GRIA2: variants seen among roughly 807,000 people sequenced by gnomAD.
The protein encoded by GRIA2 is glutamate ionotropic receptor AMPA type subunit 2.
GRIA2 carries 14 observed loss-of-function variants against 97.3 expected under a neutral mutation model. The ratio of observed to expected loss-of-function variants is 0.14; its 90% CI spans 0.10 to 0.23. GRIA2 has a LOEUF of 0.23. Ranked by LOEUF, GRIA2 falls within the 10% of genes least tolerant of loss-of-function variation. The pLI, the probability that GRIA2 is intolerant of heterozygous loss-of-function variation, is 1.00. For missense variants in GRIA2, 558 were observed against 1,069.8 expected (o/e 0.52, Z 6.67); for synonymous variants, 412 against 387.8 (o/e 1.06, Z -0.73).
At position 157,365,855 on chromosome 4, in the gene GRIA2, A is replaced by G. The variant is rs969228663; in HGVS notation, c.*2424A>G. 8 of 151,874 alleles carry G rather than the reference A, an allele frequency of 5.3e-5. No individual in the cohort carries two copies. The highest frequency in any genetic ancestry group is 1.7e-4 in the African/African-American group (7 of 41,378). 9.4% of individuals were successfully genotyped at this position (151,874 alleles called of 1,614,324 possible). A position where few individuals can be genotyped will look rare whatever the true frequency, so the allele number is the denominator to read the frequency against. Reference sequence around the variant, plus strand: ...TCCTTTACTGTACTTTTTTGTTTACAGTATAGTACCTTATTTTCTGCTGTG... The same window carrying G: ...TCCTTTACTGTACTTTTTTGTTTACGGTATAGTACCTTATTTTCTGCTGTG... On this transcript the variant is annotated 3_prime_UTR_variant, in exon 16 of 16. Transcript: ENST00000264426.
At chr4:157,299,593 C>T (rs893579970) in intron 2 of GRIA2, among the ~76,000 whole-genome samples, 1 of 152,122 alleles carries the variant, frequency 6.6e-6, no homozygotes, top group Admixed American at 6.5e-5. Context: ...ATTAGCAGCA[C>T]CAATGAGCAG....
Position 157,361,799 on chromosome 4 carries a change from G to C in GRIA2, c.2406+675G>C. 1 of 606,872 alleles carries C rather than the reference G, an allele frequency of 1.6e-6. No homozygotes were observed. Among genetic ancestry groups the C allele is most frequent in the Non-Finnish European group, 3.0e-6 (1 of 334,912 alleles). The allele number at this position is 606,872 out of a possible 1,614,324, so 37.6% of individuals were successfully genotyped here. A position where few individuals can be genotyped will look rare whatever the true frequency, so the allele number is the denominator to read the frequency against. ...ATGCATAATTTGGTAAGATGTTTTG[G>C]TAATGCCTGCAGAGTTACTGATTTG... On this transcript the variant is annotated intron_variant, in intron 14 of 15. Transcript: ENST00000264426. This position sits in a 1 kb window ranked among gnomAD's most constrained non-coding sequence, Gnocchi z 5.2.
At chr4:157,226,712 C>G (rs1322895412) in intron 2 of GRIA2, among the ~76,000 whole-genome samples, 3 of 152,042 alleles carry the variant, frequency 2.0e-5, no homozygotes, top group African/African-American at 4.8e-5. Context: ...TACAGATTGG[C>G]TACGCGATCC....
At chr4:157,281,547 T>C (rs1376746605) in intron 2 of GRIA2, among the ~76,000 whole-genome samples, 3 of 152,172 alleles carry the variant, frequency 2.0e-5, no homozygotes, top group African/African-American at 7.2e-5. Flanking sequence ...CAAAAGTTTT[T>C]CAAGAGAATC....
chr4:157,315,536 GT>G (rs1254199395), intron 4 of GRIA2, among the ~76,000 whole-genome samples: 8 of 151,016 alleles, frequency 5.3e-5, no homozygotes, highest in Non-Finnish European at 1.0e-4. Context: ...TGTTTGTTTT[GT>G]TTTGTTTTGT....
chr4:157,354,502 C>T (rs1227113559), intron 12 of GRIA2, among the ~76,000 whole-genome samples: 1 of 152,046 alleles, frequency 6.6e-6, no homozygotes, highest in East Asian at 1.9e-4. Flanking sequence ...TAACACAAAA[C>T]CATGGAAAAA....
At chr4:157,276,816 T>A (rs1310359412) in intron 2 of GRIA2, among the ~76,000 whole-genome samples, 1 of 151,860 alleles carries the variant, frequency 6.6e-6, no homozygotes, top group Non-Finnish European at 1.5e-5. Flanking sequence ...TAATGTAAAT[T>A]CCAATGTAAA....
chr4:157,238,549 A>T (rs1314298938), intron 2 of GRIA2, among the ~76,000 whole-genome samples: 2 of 152,310 alleles, frequency 1.3e-5, no homozygotes, highest in African/African-American at 4.8e-5. Context: ...ACATGAGCAG[A>T]ACTGCATTAA....
chr4:157,282,855 T>C (rs953489545), intron 2 of GRIA2, among the ~76,000 whole-genome samples: 47 of 152,056 alleles, frequency 3.1e-4, no homozygotes, highest in Non-Finnish European at 7.4e-5. Context: ...TGAGCCGACA[T>C]CCAAAAGAAT....
intron 3 of GRIA2, among the ~76,000 whole-genome samples, chr4:157,308,998 T>C (rs1733957412): frequency 6.6e-6 from 1 of 152,104 alleles, no homozygotes; most frequent in South Asian, 2.1e-4. Context: ...TGAGAGTCAG[T>C]TACTATTACT....
chr4:157,265,877 T>A (rs957859226), intron 2 of GRIA2, among the ~76,000 whole-genome samples: 7 of 152,072 alleles, frequency 4.6e-5, no homozygotes, highest in Non-Finnish European at 1.0e-4. Context: ...AATTTATAGA[T>A]AAGATCACTT....
In GRIA2 at chr4:157,345,577, T is replaced by G. The variant is rs181087928; in HGVS notation, c.2043+4115T>G. ...AGATGACTTTGTGTAGAAAATGATTTTATAGGACCCATATGCAGTATGTTA... is the reference window on the plus strand; with the variant it reads ...AGATGACTTTGTGTAGAAAATGATTGTATAGGACCCATATGCAGTATGTTA... On this transcript the variant is annotated intron_variant, in intron 12 of 15. Coordinates refer to ENST00000264426, the MANE Select transcript of GRIA2 (RefSeq NM_001083619.3). Among the ~76,000 whole-genome samples the G allele has an allele frequency of 3.9e-5, 6 of 152,250 alleles. No homozygotes were observed. The East Asian group carries it at 9.6e-4, about 24-fold the overall frequency.
At chr4:157,240,881 C>A (rs376963676) in intron 2 of GRIA2, among the ~76,000 whole-genome samples, 1 of 151,470 alleles carries the variant, frequency 6.6e-6, no homozygotes, top group South Asian at 2.1e-4. Context: ...CACAACAGTC[C>A]CCAGAGTGTG....
At chr4:157,356,542 C>T (rs565908962) in intron 12 of GRIA2, among the ~76,000 whole-genome samples, 3 of 152,038 alleles carry the variant, frequency 2.0e-5, no homozygotes, top group Admixed American at 6.6e-5. Context: ...CATTGCCTGG[C>T]GTTCATCTCC....
At chr4:157,339,227 A>G (rs922290029) in intron 11 of GRIA2, among the ~76,000 whole-genome samples, 1 of 152,002 alleles carries the variant, frequency 6.6e-6, no homozygotes, top group African/African-American at 2.4e-5. Context: ...AAGGAATCAA[A>G]TGAATATAAA....
At chr4:157,314,327 A>T (rs984627953) in intron 4 of GRIA2, among the ~76,000 whole-genome samples, 1 of 152,228 alleles carries the variant, frequency 6.6e-6, no homozygotes, top group Non-Finnish European at 1.5e-5. Flanking sequence ...TAATTGATAT[A>T]TAATAATACA....
At position 157,342,622 on chromosome 4, in the gene GRIA2, T is replaced by G. The variant is rs1735597789; in HGVS notation, c.2043+1160T>G. ...ATATATGCAATATGTGTATGAATACTCGGTTTAAAAATGTATGTTCCTCAA... is the reference window on the plus strand; with the variant it reads ...ATATATGCAATATGTGTATGAATACGCGGTTTAAAAATGTATGTTCCTCAA... On this transcript the variant is annotated intron_variant, in intron 12 of 15. Transcript: ENST00000264426. 6 of 192,500 alleles carry G rather than the reference T, an allele frequency of 3.1e-5. No homozygotes were observed. The South Asian group carries it at 9.0e-4, about 29-fold the overall frequency. The allele number at this position is 192,500 out of a possible 1,614,324, so 11.9% of individuals were successfully genotyped here.
chr4:157,311,731 A>G (rs1734088321), intron 3 of GRIA2, among the ~76,000 whole-genome samples: 2 of 151,928 alleles, frequency 1.3e-5, no homozygotes, highest in Non-Finnish European at 2.9e-5. Context: ...TTCATTCTGG[A>G]GTCTCGATTT....
intron 3 of GRIA2, among the ~76,000 whole-genome samples, chr4:157,310,026 A>C (rs1734010837): frequency 6.6e-6 from 1 of 152,208 alleles, no homozygotes. Flanking sequence ...AAAGTGGCTT[A>C]GAATTTAGAT....
Sources: gnomAD v4.1 joint callset for allele counts (sites outside exome capture counted in the v4.1 genomes callset) on GRCh38, gnomAD v4.1.1 for gene constraint, Gnocchi (gnomAD v3.1) non-coding constraint, MANE v1.5 for transcripts, NCBI Gene and HGNC (gene_info 2026-07-23, HGNC 2026-07-21) for gene names.